Variants in NRG3 observed in about 807,000 individuals in gnomAD.
NRG3 encodes the protein neuregulin 3.
NRG3 carries 31 observed loss-of-function variants against 66.9 expected under a neutral mutation model. That is an observed-to-expected ratio of 0.46 (90% CI 0.35 to 0.63). NRG3 has a LOEUF of 0.63. NRG3 is among the 20% of genes least tolerant of loss of function. The probability of loss-of-function intolerance (pLI) is 0.00; values close to 1 mark genes in which losing one functional copy is unlikely to be tolerated. For missense variants in NRG3, 910 were observed against 878.9 expected, an observed-to-expected ratio of 1.04 and a Z score of -0.45; for synonymous variants, 393 against 359.4, an observed-to-expected ratio of 1.09 and a Z score of -1.06.
intron 1 of NRG3, among the ~76,000 whole-genome samples, chr10:82,346,447 T>A (rs1392744799): frequency 6.9e-6 from 1 of 144,088 alleles, no homozygotes; most frequent in Non-Finnish European, 1.5e-5. Flanking sequence ...CTTTTTGATG[T>A]GCTGCTGGAT....
chr10:82,044,994 C>A (rs1050878830), intron 1 of NRG3, among the ~76,000 whole-genome samples: 1 of 151,562 alleles, frequency 6.6e-6, no homozygotes, highest in Non-Finnish European at 1.5e-5. Context: ...GGTTCCAAGT[C>A]TTTGCTATTG....
intron 3 of NRG3, among the ~76,000 whole-genome samples, chr10:82,773,117 T>C (rs2059778609): frequency 6.6e-6 from 1 of 152,150 alleles, no homozygotes; most frequent in Non-Finnish European, 1.5e-5. Flanking sequence ...ATGAGATTGC[T>C]GAGTCATATG....
intron 4 of NRG3, among the ~76,000 whole-genome samples, chr10:82,899,102 A>T (rs936779123): frequency 1.3e-5 from 2 of 152,100 alleles, no homozygotes; most frequent in African/African-American, 4.8e-5. Flanking sequence ...ATAATGAGGG[A>T]TGTATCTAAA....
At chr10:81,976,802 A>G (rs1207058563) in intron 1 of NRG3, among the ~76,000 whole-genome samples, 4 of 152,182 alleles carry the variant, frequency 2.6e-5, no homozygotes, top group African/African-American at 7.2e-5. Context: ...ATTAAATTCT[A>G]TAGGAAGGTG....
intron 1 of NRG3, among the ~76,000 whole-genome samples, chr10:82,168,780 T>C (rs2072316792): frequency 1.3e-5 from 2 of 152,162 alleles, no homozygotes; most frequent in African/African-American, 4.8e-5. Context: ...ATTTTTAAAA[T>C]TGTGCTTTCT....
chr10:81,980,408 T>C (rs1387067893), intron 1 of NRG3, among the ~76,000 whole-genome samples: 1 of 152,194 alleles, frequency 6.6e-6, no homozygotes, highest in Non-Finnish European at 1.5e-5. Flanking sequence ...GGGAGTCAGA[T>C]AATAAGAGTA....
intron 1 of NRG3, among the ~76,000 whole-genome samples, chr10:81,904,565 G>A (rs1215617453): frequency 1.3e-5 from 2 of 152,070 alleles, no homozygotes; most frequent in African/African-American, 2.4e-5. Flanking sequence ...TTCTACGCCT[G>A]TTCTTAATTC....
At chr10:82,668,019 G>A (rs2052938475) in intron 2 of NRG3, among the ~76,000 whole-genome samples, 1 of 152,140 alleles carries the variant, frequency 6.6e-6, no homozygotes, top group Admixed American at 6.5e-5. Flanking sequence ...CACCAACGCA[G>A]TTTTTCAATA....
intron 1 of NRG3, among the ~76,000 whole-genome samples, chr10:82,165,449 A>G (rs2071965826): frequency 6.6e-6 from 1 of 152,082 alleles, no homozygotes; most frequent in Non-Finnish European, 1.5e-5. Flanking sequence ...TGTAGGCAAA[A>G]TAGCTTATTT....
intron 2 of NRG3, among the ~76,000 whole-genome samples, chr10:82,688,244 A>AT (rs2054661405): frequency 6.6e-6 from 1 of 152,214 alleles, no homozygotes; most frequent in African/African-American, 2.4e-5. Context: ...ACAACGTATT[A>AT]TATTTATGTA....
intron 2 of NRG3, among the ~76,000 whole-genome samples, chr10:82,385,865 G>A (rs2085947169): frequency 6.6e-6 from 1 of 152,114 alleles, no homozygotes; most frequent in African/African-American, 2.4e-5. Flanking sequence ...TAATGTTTTA[G>A]CTATTAAACC....
intron 1 of NRG3, among the ~76,000 whole-genome samples, chr10:81,927,598 T>G (rs1263042278): frequency 2.6e-5 from 4 of 152,184 alleles, no homozygotes; most frequent in Non-Finnish European, 4.4e-5. Flanking sequence ...AATGATAGAC[T>G]TTGTGTCTTC....
chr10:82,230,957 A>G (rs549695041), intron 1 of NRG3, among the ~76,000 whole-genome samples: 1 of 152,340 alleles, frequency 6.6e-6, no homozygotes, highest in South Asian at 2.1e-4. Flanking sequence ...TAGATAATGC[A>G]GTAAGAGAAG....
intron 1 of NRG3, among the ~76,000 whole-genome samples, chr10:82,275,006 T>G (rs1440179960): frequency 6.6e-6 from 1 of 152,068 alleles, no homozygotes; most frequent in Admixed American, 6.6e-5. Context: ...TTTCCTTTTG[T>G]GGAATATTTT....
At chr10:82,798,857 C>T (rs984476268) in intron 3 of NRG3, among the ~76,000 whole-genome samples, 2 of 152,266 alleles carry the variant, frequency 1.3e-5, no homozygotes, top group East Asian at 1.9e-4. Flanking sequence ...ACATTTCCCA[C>T]TCCTACATCC....
At chr10:82,758,949 C>G (rs933144967) in intron 3 of NRG3, among the ~76,000 whole-genome samples, 6 of 151,596 alleles carry the variant, frequency 4.0e-5, no homozygotes, top group African/African-American at 1.5e-4. Context: ...CCAAATCAAG[C>G]CACATTAACA....
chr10:82,775,013 G>C (rs866971277), intron 3 of NRG3, among the ~76,000 whole-genome samples: 2 of 151,260 alleles, frequency 1.3e-5, no homozygotes, highest in East Asian at 1.9e-4. Context: ...TTTTAGTAGA[G>C]ACAGAGTTTT....
At chr10:82,024,210 C>A (rs7070689) in intron 1 of NRG3, among the ~76,000 whole-genome samples, 6,229 of 151,850 alleles carry the variant, frequency 0.041, 200 homozygotes, top group East Asian at 0.11. Flanking sequence ...TCCCCTTTTC[C>A]TCTGGTTTCA....
chr10:82,211,503 G>C (rs1245061890), intron 1 of NRG3, among the ~76,000 whole-genome samples: 1 of 152,096 alleles, frequency 6.6e-6, no homozygotes, highest in East Asian at 1.9e-4. Flanking sequence ...GGCATCCTTG[G>C]CAAAGAATGC....
Sources: gnomAD v4.1 joint callset for allele counts (sites outside exome capture counted in the v4.1 genomes callset) on GRCh38, gnomAD v4.1.1 for gene constraint, MANE v1.5 for transcripts, NCBI Gene and HGNC (gene_info 2026-07-23, HGNC 2026-07-21) for gene names.